The following POGLUT1 variants were observed in gnomAD, a reference collection of about 807,000 sequenced individuals.
The protein encoded by POGLUT1 is 9630046K23Rik.
Under a neutral mutation model 61.3 loss-of-function variants are expected in POGLUT1, and 32 were observed. The ratio of observed to expected loss-of-function variants is 0.52; its 90% CI spans 0.39 to 0.70. The LOEUF is 0.70. Ranked by LOEUF, POGLUT1 falls within the 30% of genes least tolerant of loss-of-function variation. The pLI is 0.00. For synonymous variants in POGLUT1, 158 were observed against 158.2 expected, an observed-to-expected ratio of 1.00 and a Z score of 0.01; for missense variants, 411 against 469.8, an observed-to-expected ratio of 0.87 and a Z score of 1.16.
At position 119,492,446 on chromosome 3, in the gene POGLUT1, C is replaced by T. The variant is rs774134251; in HGVS notation, c.*8C>T. On this transcript the variant is annotated 3_prime_UTR_variant, in exon 11 of 11. Coordinates refer to ENST00000295588, the MANE Select transcript of POGLUT1 (RefSeq NM_152305.3). ...TTGAAAACTGAACTATAGTAGTCATCATAGGACCATAGTCCTCTTTGTGGC... is the reference window on the plus strand; with the variant it reads ...TTGAAAACTGAACTATAGTAGTCATTATAGGACCATAGTCCTCTTTGTGGC... 22 of 1,557,782 alleles carry T rather than the reference C, an allele frequency of 1.4e-5. No individual in the cohort carries two copies. Among genetic ancestry groups the T allele is most frequent in the Admixed American group, 7.2e-5 (4 of 55,818 alleles).
rs147559897 is a variant in POGLUT1 at position 119,492,418 on chromosome 3, A to T, written c.1159A>T (p.Met387Leu). Residue 387 changes from methionine (M) to leucine (L), a missense_variant, in exon 11 of 11, where the codon ATG becomes TTG. Met to Leu is a conservative substitution (Grantham distance 15, BLOSUM62 2). Transcript: ENST00000295588. Reference protein sequence around the residue: ...RKGYDQIIPKMLKTEL With the variant: ...RKGYDQIIPKLLKTEL ...AGGTTATGATCAAATTATTCCCAAAATGTTGAAAACTGAACTATAGTAGTC... is the reference window on the plus strand; with the variant it reads ...AGGTTATGATCAAATTATTCCCAAATTGTTGAAAACTGAACTATAGTAGTC... The T allele has an allele frequency of 2.2e-4, 356 of 1,603,282 alleles. 1 individual carries two copies. The East Asian group carries it at 6.3e-3, about 28-fold the overall frequency.
intron 3 of POGLUT1, among the ~76,000 whole-genome samples, chr3:119,474,929 TA>T (rs1400069092): frequency 3.3e-5 from 5 of 152,138 alleles, no homozygotes; most frequent in Non-Finnish European, 2.9e-5. Context: ...TGTACTGCAA[TA>T]TTTTTTTACA....
rs762277732 is a variant in POGLUT1 at position 119,471,424 on chromosome 3, C to A, written c.292C>A (p.Arg98=). Residue 98 remains arginine (R), a synonymous_variant, in exon 3 of 11, where the codon CGG becomes AGG. Transcript: ENST00000295588. ...HYQITKNRLY[R]ENDCMFPSRC... is the part of the protein sequence containing the mutation. ...TCAGATCACTAAGAACAGACTGTAC[C>A]GGGAAAATGACTGCATGTTCCCCTC... 1.9e-6 allele frequency: 3 copies of A among 1,613,774 alleles called. No homozygotes were observed. Among genetic ancestry groups the A allele is most frequent in the African/African-American group, 1.3e-5 (1 of 74,868 alleles).
At chr3:119,492,137 C>T (rs943455132) in intron 10 of POGLUT1, 145 bp from the exon 11 acceptor site, 1 of 470,222 alleles carries the variant, frequency 2.1e-6, no homozygotes, top group African/African-American at 2.0e-5. Flanking sequence ...GATATGATTG[C>T]CATAGGGTTG....
chr3:119,477,025 A>C (rs2081545338), intron 3 of POGLUT1, among the ~76,000 whole-genome samples: 1 of 152,232 alleles, frequency 6.6e-6, no homozygotes, highest in African/African-American at 2.4e-5. Flanking sequence ...GGAATGAATA[A>C]AGTGGTAGAA....
At chr3:119,484,192 C>T (rs555777446) in intron 5 of POGLUT1, among the ~76,000 whole-genome samples, 1 of 152,234 alleles carries the variant, frequency 6.6e-6, no homozygotes, top group South Asian at 2.1e-4. Flanking sequence ...GGGTGGAGGT[C>T]TGAGGGCCTG....
At chr3:119,480,927 A>G in intron 5 of POGLUT1, among the ~76,000 whole-genome samples, 1 of 151,528 alleles carries the variant, frequency 6.6e-6, no homozygotes, top group East Asian at 1.9e-4. Context: ...TTTAGTAGAG[A>G]TGTGGTTTTG....
intron 3 of POGLUT1, among the ~76,000 whole-genome samples, chr3:119,475,712 C>G (rs1272539748): frequency 1.3e-5 from 2 of 151,654 alleles, no homozygotes; most frequent in African/African-American, 4.8e-5. Context: ...ACTCGGGAGG[C>G]TGAGGCAGGA....
chr3:119,470,127 A>T (rs1307284422), intron 2 of POGLUT1, among the ~76,000 whole-genome samples: 1 of 152,210 alleles, frequency 6.6e-6, no homozygotes, highest in Non-Finnish European at 1.5e-5. Context: ...TGTTTTTCCC[A>T]CTGGGCTGCA....
chr3:119,471,034 G>A (rs2081464300), intron 2 of POGLUT1, among the ~76,000 whole-genome samples: 1 of 152,224 alleles, frequency 6.6e-6, no homozygotes, highest in Non-Finnish European at 1.5e-5. Flanking sequence ...GGCATGAGTA[G>A]CGAAAGAGAA....
At chr3:119,477,219 G>C in intron 3 of POGLUT1, 94 bp from the exon 4 acceptor site, 2 of 1,226,168 alleles carry the variant, frequency 1.6e-6, no homozygotes, top group South Asian at 2.6e-5. Context: ...CTGGAACACT[G>C]GCTTGTCTTA....
Position 119,488,958 on chromosome 3 carries a change from T to C in POGLUT1, c.768T>C (p.Asp256=). 6.3e-7 allele frequency: 1 copy of C among 1,593,338 alleles called. No homozygotes were observed. Among genetic ancestry groups the C allele is most frequent in the South Asian group, 1.1e-5 (1 of 89,742 alleles). Residue 256 remains aspartate, a synonymous_variant, in exon 8 of 11, where the codon GAT becomes GAC. Transcript: ENST00000295588. The part of the protein sequence containing the change: ...KDTLGKPAAK[D]VHLVDHCKYK... ...CCTTAGGAAAGCCAGCTGCTAAGGATGTCCATCTTGTGGATCACTGCAAAT... is the reference window on the plus strand; with the variant it reads ...CCTTAGGAAAGCCAGCTGCTAAGGACGTCCATCTTGTGGATCACTGCAAAT...
In POGLUT1 at chr3:119,481,411, G is replaced by A. The variant is rs150591095; in HGVS notation, c.578+1239G>A. 2.6e-5 allele frequency among the ~76,000 whole-genome samples: 4 copies of A among 152,188 alleles called. No individual in the cohort carries two copies. In the East Asian group the frequency reaches 5.8e-4, roughly 22 times the overall value. On this transcript the variant is annotated intron_variant, in intron 5 of 10. Transcript: ENST00000295588. ...TTTGGTGCTTAATTAGAGAACTTCC[G>A]GAAACACAGTCATTATAGGCCTTCT...
At position 119,494,528 on chromosome 3, in the gene POGLUT1, C is replaced by T. The variant is rs1037498585; in HGVS notation, c.*2090C>T. The T allele has an allele frequency of 6.6e-6, 1 of 152,410 alleles. No individual in the cohort carries two copies. The highest frequency in any genetic ancestry group is 1.5e-5 in the Non-Finnish European group (1 of 67,916). The allele number at this position is 152,410 out of a possible 1,614,324, so 9.4% of individuals were successfully genotyped here. A position where few individuals can be genotyped will look rare whatever the true frequency, so the allele number is the denominator to read the frequency against. ...TGTAGATGATATGAGGATGGTATAA[C>T]TATGTAAATTGTTTTTGAAAATAAT... On this transcript the variant is annotated 3_prime_UTR_variant, in exon 11 of 11. Coordinates refer to ENST00000295588, the MANE Select transcript of POGLUT1 (RefSeq NM_152305.3).
At chr3:119,491,636 C>A in intron 10 of POGLUT1, 62 bp downstream of exon 10, 2 of 770,398 alleles carry the variant, frequency 2.6e-6, no homozygotes, top group African/African-American at 1.8e-5. Flanking sequence ...ATGCCCTAGC[C>A]AAAGTTATCT....
Position 119,471,469 on chromosome 3 carries a change from T to C in POGLUT1, c.320+17T>C. 6.2e-7 allele frequency: 1 copy of C among 1,611,626 alleles called. No individual in the cohort carries two copies. The highest frequency in any genetic ancestry group is 8.5e-7 in the Non-Finnish European group (1 of 1,178,062). ...CCCCTCAAGGTAAGAGTTAACGAGG[T>C]AGATATATCTTCTGACTTTATTACA... On this transcript the variant is annotated intron_variant, in intron 3 of 10. Transcript: ENST00000295588.
chr3:119,486,756 C>A, intron 6 of POGLUT1, 77 bp from the exon 7 acceptor site: 1 of 967,042 alleles, frequency 1.0e-6, no homozygotes, highest in Non-Finnish European at 1.7e-6. Flanking sequence ...GGGTCCTAGT[C>A]CTGCTCACCT....
intron 8 of POGLUT1, 26 bp from the exon 9 acceptor site, chr3:119,490,525 A>T: frequency 6.2e-7 from 1 of 1,607,964 alleles, no homozygotes; most frequent in Non-Finnish European, 8.5e-7. Flanking sequence ...TATAGTATCA[A>T]ATGTATTTTG....
chr3:119,487,099 C>G, intron 7 of POGLUT1, 167 bp downstream of exon 7: 1 of 607,286 alleles, frequency 1.6e-6, no homozygotes, highest in South Asian at 1.9e-5. Flanking sequence ...CTTTTTCAAA[C>G]TTACATTGCT....
Sources: gnomAD v4.1 joint callset for allele counts (sites outside exome capture counted in the v4.1 genomes callset) on GRCh38, gnomAD v4.1.1 for gene constraint, MANE v1.5 for transcripts, NCBI Gene and HGNC (gene_info 2026-07-23, HGNC 2026-07-21) for gene names.